PRR5L: variants seen among roughly 807,000 people sequenced by gnomAD.
PRR5L encodes proline rich 5 like.
PRR5L carries 21 observed loss-of-function variants against 36.4 expected under a neutral mutation model. That is an observed-to-expected ratio of 0.58 (90% CI 0.41 to 0.83). The LOEUF is 0.83. Among genes scored for constraint, PRR5L ranks in the 40% least tolerant of loss-of-function variants. PRR5L has a pLI of 0.00. For synonymous variants in PRR5L, 188 were observed against 197.0 expected (o/e 0.95, Z 0.38); for missense variants, 381 against 473.3 (o/e 0.80, Z 1.81).
chr11:36,345,116 G>A (rs527503199), intron 1 of PRR5L, among the ~76,000 whole-genome samples: 4 of 152,128 alleles, frequency 2.6e-5, no homozygotes, highest in South Asian at 2.1e-4. Flanking sequence ...CAGGAAGGAC[G>A]GTGTTGGCCC....
intron 1 of PRR5L, among the ~76,000 whole-genome samples, chr11:36,360,542 A>T (rs1857076262): frequency 6.6e-6 from 1 of 152,180 alleles, no homozygotes; most frequent in African/African-American, 2.4e-5. Context: ...ACAAAGGGGT[A>T]TGTGCACATG....
At chr11:36,422,866 G>A (rs1207589274) in intron 4 of PRR5L, among the ~76,000 whole-genome samples, 3 of 152,046 alleles carry the variant, frequency 2.0e-5, no homozygotes, top group South Asian at 2.1e-4. Flanking sequence ...TGGGGTTTCC[G>A]AGAGAAACAC....
chr11:36,312,048 A>G (rs184865030), intron 1 of PRR5L, among the ~76,000 whole-genome samples: 20 of 152,342 alleles, frequency 1.3e-4, no homozygotes, highest in African/African-American at 4.8e-4. Flanking sequence ...TTTTATATGC[A>G]TGAAATTTGG....
At chr11:36,425,377 A>G (rs1858359285) in intron 4 of PRR5L, 2 of 152,158 alleles carry the variant, frequency 1.3e-5, no homozygotes, top group Non-Finnish European at 2.9e-5. Context: ...CACAGAAGAA[A>G]AATCTCTTGG....
intron 1 of PRR5L, among the ~76,000 whole-genome samples, chr11:36,323,789 G>A (rs1264603594): frequency 6.6e-6 from 1 of 152,202 alleles, no homozygotes; most frequent in Admixed American, 6.5e-5. Context: ...GAAAGCTGAT[G>A]CAGAAAGATT....
intron 8 of PRR5L, among the ~76,000 whole-genome samples, chr11:36,453,012 G>T (rs1858975132): frequency 6.6e-6 from 1 of 152,176 alleles, no homozygotes; most frequent in Middle Eastern, 3.2e-3. Flanking sequence ...ATAAGGCAAA[G>T]AAAAACAACT....
At chr11:36,444,424 A>C (rs1858785877) in intron 6 of PRR5L, among the ~76,000 whole-genome samples, 1 of 152,236 alleles carries the variant, frequency 6.6e-6, no homozygotes, top group South Asian at 2.1e-4. Flanking sequence ...GACGAAGAGG[A>C]CTTGTAACTT....
At chr11:36,376,728 T>A in intron 1 of PRR5L, 4 of 985,198 alleles carry the variant, frequency 4.1e-6, no homozygotes, top group Non-Finnish European at 4.8e-6. Flanking sequence ...GGGGGGCGTC[T>A]CTGGGAGGGG....
intron 1 of PRR5L, among the ~76,000 whole-genome samples, chr11:36,306,369 A>T (rs1463366455): frequency 6.6e-6 from 1 of 152,196 alleles, no homozygotes; most frequent in South Asian, 2.1e-4. Context: ...TTTGCTGAGC[A>T]TGATGGTTTC....
chr11:36,430,749 A>G (rs1187590455), intron 4 of PRR5L, among the ~76,000 whole-genome samples: 3 of 152,208 alleles, frequency 2.0e-5, no homozygotes, highest in Admixed American at 2.0e-4. Flanking sequence ...TGCTAGTATT[A>G]TGCCATTTTA....
intron 1 of PRR5L, among the ~76,000 whole-genome samples, chr11:36,315,626 T>C (rs1856547808): frequency 6.6e-6 from 1 of 152,222 alleles, no homozygotes; most frequent in African/African-American, 2.4e-5. Flanking sequence ...AAGAGAATAG[T>C]TCAGTACTCT....
At chr11:36,358,419 C>A (rs191800616) in intron 1 of PRR5L, among the ~76,000 whole-genome samples, 5 of 152,152 alleles carry the variant, frequency 3.3e-5, no homozygotes, top group African/African-American at 9.6e-5. Flanking sequence ...CCTCCACCAG[C>A]AAAAAAGATT....
intron 1 of PRR5L, among the ~76,000 whole-genome samples, chr11:36,345,610 C>T (rs149318881): frequency 1.4e-4 from 22 of 152,314 alleles, no homozygotes; most frequent in African/African-American, 4.8e-4. Flanking sequence ...TGTATATTCC[C>T]TCTATCTCTA....
At position 36,335,414 on chromosome 11, in the gene PRR5L, G is replaced by A. The variant is rs567932037; in HGVS notation, c.-126+38976G>A. ...TGTCTGCTTGGGTGGCAGTGTGTGT[G>A]TGTGTGTGGTGTTTGGGGGGTAATG... On this transcript the variant is annotated intron_variant, in intron 1 of 8. Coordinates refer to ENST00000530639, the MANE Select transcript of PRR5L (RefSeq NM_001160167.2). Among the ~76,000 whole-genome samples the A allele has an allele frequency of 2.3e-4, 35 of 152,148 alleles. No homozygotes were observed. In the South Asian group the frequency reaches 6.0e-3, roughly 26 times the overall value.
chr11:36,448,196 C>A (rs539112262), intron 7 of PRR5L, among the ~76,000 whole-genome samples: 23 of 152,266 alleles, frequency 1.5e-4, no homozygotes, highest in African/African-American at 5.3e-4. Context: ...TATGAGAAAG[C>A]TGTCATCATA....
intron 1 of PRR5L, chr11:36,376,255 G>C: frequency 8.1e-7 from 1 of 1,230,302 alleles, no homozygotes; most frequent in Non-Finnish European, 1.1e-6. Flanking sequence ...GGGGGACATT[G>C]GAGAGACACT....
intron 8 of PRR5L, among the ~76,000 whole-genome samples, chr11:36,456,667 C>T (rs2133633757): frequency 6.6e-6 from 1 of 152,338 alleles, no homozygotes; most frequent in East Asian, 1.9e-4. Context: ...GTTGTTATTC[C>T]ACATCTCAAC....
In PRR5L at chr11:36,359,933, A is replaced by C. The variant is rs116558375; in HGVS notation, c.-125-41064A>C. On this transcript the variant is annotated intron_variant, in intron 1 of 8. Coordinates refer to ENST00000530639, the MANE Select transcript of PRR5L (RefSeq NM_001160167.2). ...GCGCCTGTAGTCCCAGCTACTAGGAAGTCTGAGACATAAGAATTGCTTGAG... is the reference window on the plus strand; with the variant it reads ...GCGCCTGTAGTCCCAGCTACTAGGACGTCTGAGACATAAGAATTGCTTGAG... Among the ~76,000 whole-genome samples, 432 of 152,178 alleles carry C rather than the reference A, an allele frequency of 2.8e-3. 5 individuals carry two copies. Among genetic ancestry groups the C allele is most frequent in the African/African-American group, 1.0e-2 (414 of 41,500 alleles).
intron 4 of PRR5L, among the ~76,000 whole-genome samples, chr11:36,422,984 G>GT (rs1858302428): frequency 6.6e-6 from 1 of 152,134 alleles, no homozygotes; most frequent in African/African-American, 2.4e-5. Context: ...TATCTTGGTG[G>GT]TTCAGAGCAT....
Sources: allele counts gnomAD v4.1 joint callset (sites outside exome capture counted in the v4.1 genomes callset), GRCh38; gene constraint gnomAD v4.1.1; transcripts MANE v1.5; gene names NCBI Gene and HGNC (gene_info 2026-07-23, HGNC 2026-07-21).